The following MSI2 variants were observed in gnomAD, a reference collection of about 807,000 sequenced individuals.
The protein encoded by MSI2 is RNA-binding protein Musashi homolog 2.
In MSI2, 17 loss-of-function variants were observed where a neutral mutation model predicts 45.6. The observed-to-expected ratio is 0.37, with a 90% confidence interval of 0.26 to 0.56. The LOEUF is 0.56. Ranked by LOEUF, MSI2 falls within the 20% of genes least tolerant of loss-of-function variation. The pLI is 0.77. For synonymous variants in MSI2, 156 were observed against 158.2 expected, an observed-to-expected ratio of 0.99 and a Z score of 0.11; for missense variants, 293 against 444.2, an observed-to-expected ratio of 0.66 and a Z score of 3.06.
chr17:57,556,460 G>A (rs1002445734), intron 7 of MSI2, among the ~76,000 whole-genome samples: 3 of 152,226 alleles, frequency 2.0e-5, no homozygotes, highest in African/African-American at 7.2e-5. Flanking sequence ...CTTGAGGTGG[G>A]CAGACGAGGG....
At chr17:57,415,813 C>G (rs1047187207) in intron 6 of MSI2, among the ~76,000 whole-genome samples, 1 of 152,134 alleles carries the variant, frequency 6.6e-6, no homozygotes, top group Non-Finnish European at 1.5e-5. Context: ...CCTCTGCCCC[C>G]ACCCCTCCAC....
At chr17:57,563,140 G>A (rs1038064476) in intron 7 of MSI2, among the ~76,000 whole-genome samples, 2 of 151,458 alleles carry the variant, frequency 1.3e-5, no homozygotes, top group African/African-American at 2.4e-5. Flanking sequence ...AGATTTGTGG[G>A]GTCCATGTGC....
At chr17:57,282,590 A>G (rs952957757) in intron 5 of MSI2, among the ~76,000 whole-genome samples, 19 of 151,862 alleles carry the variant, frequency 1.3e-4, no homozygotes, top group African/African-American at 4.6e-4. Context: ...CCTCTCCCCC[A>G]TTTCCCTGCT....
intron 7 of MSI2, among the ~76,000 whole-genome samples, chr17:57,530,426 A>G (rs1342957465): frequency 6.6e-6 from 1 of 152,206 alleles, no homozygotes; most frequent in African/African-American, 2.4e-5. Flanking sequence ...TCCTTCCCCA[A>G]AAAGAACACA....
At chr17:57,536,252 G>T (rs568170420) in intron 7 of MSI2, among the ~76,000 whole-genome samples, 69 of 152,308 alleles carry the variant, frequency 4.5e-4, no homozygotes, top group African/African-American at 1.6e-3. Context: ...TTTACCTAGG[G>T]AAGAACGTTG....
Position 57,596,818 on chromosome 17 carries a change from T to G in MSI2, c.455-50T>G, listed in dbSNP as rs766594971. The stretch of plus-strand genomic sequence containing the variant: ...GAGAAAAACCTGGGCCTGCCAGAAC[T>G]GAACTCACCCCGCCTCTCTTTGTTT... On this transcript the variant is annotated intron_variant, in intron 7 of 13. Coordinates refer to ENST00000284073, the MANE Select transcript of MSI2 (RefSeq NM_138962.4). This position sits in a 1 kb window ranked among gnomAD's most constrained non-coding sequence, Gnocchi z 4.6. The G allele has an allele frequency of 1.4e-5, 20 of 1,392,558 alleles. No individual in the cohort carries two copies. The East Asian group carries it at 4.3e-4, about 30-fold the overall frequency. The allele number at this position is 1,392,558 out of a possible 1,614,324, so 86.3% of individuals were successfully genotyped here.
chr17:57,329,722 C>T (rs1028352737), intron 5 of MSI2, among the ~76,000 whole-genome samples: 4 of 152,174 alleles, frequency 2.6e-5, no homozygotes, highest in Non-Finnish European at 5.9e-5. Context: ...CTGATGTGCA[C>T]GATGAATTCA....
At chr17:57,493,065 G>A (rs1035039777) in intron 6 of MSI2, among the ~76,000 whole-genome samples, 1 of 152,164 alleles carries the variant, frequency 6.6e-6, no homozygotes, top group African/African-American at 2.4e-5. Flanking sequence ...CAGGCTCCTA[G>A]GTAAAAGGAG....
chr17:57,581,076 G>A (rs182028587), intron 7 of MSI2, among the ~76,000 whole-genome samples: 59 of 137,016 alleles, frequency 4.3e-4, no homozygotes, highest in African/African-American at 8.6e-4. Flanking sequence ...GCAGTGGCAC[G>A]ATCTCTGCTC....
chr17:57,638,925 A>G (rs1376763879), intron 10 of MSI2, among the ~76,000 whole-genome samples: 1 of 152,128 alleles, frequency 6.6e-6, no homozygotes, highest in East Asian at 1.9e-4. Flanking sequence ...ATAAAGTTAT[A>G]TTTCTCACAG....
intron 6 of MSI2, among the ~76,000 whole-genome samples, chr17:57,486,766 C>T (rs1034979711): frequency 6.6e-6 from 1 of 152,158 alleles, no homozygotes; most frequent in Non-Finnish European, 1.5e-5. Flanking sequence ...CTTTTATCTG[C>T]ACTCCTTAGA....
chr17:57,685,305 C>T (rs781640199), downstream of MSI2, among the ~76,000 whole-genome samples: 14 of 152,160 alleles, frequency 9.2e-5, no homozygotes, highest in Non-Finnish European at 1.2e-4. Flanking sequence ...CTGGTGATGA[C>T]GGCTACAGCA....
chr17:57,412,979 C>T (rs2084224487), intron 6 of MSI2, among the ~76,000 whole-genome samples: 1 of 152,192 alleles, frequency 6.6e-6, no homozygotes, highest in Non-Finnish European at 1.5e-5. Flanking sequence ...ATTAAATGAG[C>T]TAATGCACAC....
intron 6 of MSI2, among the ~76,000 whole-genome samples, chr17:57,458,246 G>A (rs1358309165): frequency 6.6e-5 from 10 of 151,972 alleles, no homozygotes; most frequent in Middle Eastern, 3.4e-3. Flanking sequence ...GACTACGGGC[G>A]CCCACCACCA....
chr17:57,685,952 GAGGGAGC>G (rs757105229), downstream of MSI2, among the ~76,000 whole-genome samples: 31 of 152,374 alleles, frequency 2.0e-4, no homozygotes, highest in Admixed American at 6.5e-4. Context: ...CCTAAGGAGA[GAGGGAGC>G]AGGGAACAGG....
intron 8 of MSI2, among the ~76,000 whole-genome samples, chr17:57,608,771 T>G (rs1261432552): frequency 6.6e-6 from 1 of 152,238 alleles, no homozygotes; most frequent in Non-Finnish European, 1.5e-5. Context: ...AGTTGAACTC[T>G]GATCAAGGGC....
rs765899499 is a variant in MSI2 at position 57,325,665 on chromosome 17, C to T, written c.312+63473C>T. Among the ~76,000 whole-genome samples the T allele has an allele frequency of 1.1e-4, 16 of 152,176 alleles. 1 individual carries two copies. The highest frequency in any genetic ancestry group is 3.9e-4 in the African/African-American group (16 of 41,446). On this transcript the variant is annotated intron_variant, in intron 5 of 13. Transcript: ENST00000284073. Reference sequence around the variant, plus strand: ...GACCGAGTTGGTGTTGTCATCTCTTCCCTGACCATTTGACCCACCTCCAGC... The same window carrying T: ...GACCGAGTTGGTGTTGTCATCTCTTTCCTGACCATTTGACCCACCTCCAGC...
rs566941307 is a variant in MSI2, at chr17:57,555,303, G to A, written c.454+25579G>A. Among the ~76,000 whole-genome samples the A allele has an allele frequency of 1.1e-4, 17 of 152,288 alleles. No individual in the cohort carries two copies. In the South Asian group the frequency reaches 2.7e-3, roughly 24 times the overall value. ...GTCCCTGGCAGAGCAGCAACTCTCC[G>A]GGGACTCCTGCCTCCAGGCCTGTGA... On this transcript the variant is annotated intron_variant, in intron 7 of 13. Transcript: ENST00000284073.
chr17:57,632,656 C>G (rs1344946000), intron 10 of MSI2: 38 of 1,066,016 alleles, frequency 3.6e-5, no homozygotes, highest in Non-Finnish European at 4.3e-5. Context: ...TTAGAAGGAT[C>G]TTTTCCCATG....
Sources: allele counts gnomAD v4.1 joint callset (sites outside exome capture counted in the v4.1 genomes callset), GRCh38; gene constraint gnomAD v4.1.1; non-coding constraint Gnocchi (gnomAD v3.1); transcripts MANE v1.5; gene names NCBI Gene and HGNC (gene_info 2026-07-23, HGNC 2026-07-21).